Variants in GALNT17 observed in about 807,000 individuals in gnomAD.
The protein encoded by GALNT17 is polypeptide N-acetylgalactosaminyltransferase 17, also known as UDP-GalNAc:polypeptide N-acetylgalactosaminyltransferase-like 3.
GALNT17 carries 29 observed loss-of-function variants against 63.7 expected under a neutral mutation model. The observed-to-expected ratio is 0.46, with a 90% CI of 0.34 to 0.62. GALNT17 has a LOEUF of 0.62. Ranked by LOEUF, GALNT17 falls within the 20% of genes least tolerant of loss-of-function variation. The probability of loss-of-function intolerance (pLI) is 0.01; values close to 1 mark genes in which losing one functional copy is unlikely to be tolerated. For synonymous variants in GALNT17, 305 were observed against 318.3 expected (o/e 0.96, Z 0.45); for missense variants, 603 against 799.6 (o/e 0.75, Z 2.97).
chr7:71,240,752 C>G (rs1789979608), intron 1 of GALNT17, among the ~76,000 whole-genome samples: 2 of 151,702 alleles, frequency 1.3e-5, no homozygotes, highest in South Asian at 4.2e-4. Context: ...GCAGGCTCCG[C>G]CCCCCGGGTT....
chr7:71,452,240 T>G (rs1787275265), intron 5 of GALNT17, among the ~76,000 whole-genome samples: 1 of 147,560 alleles, frequency 6.8e-6, no homozygotes, highest in African/African-American at 2.5e-5. Context: ...GAGGCTCTCT[T>G]TAGAAAAAAA....
chr7:71,633,651 G>C (rs1189921968), intron 6 of GALNT17, among the ~76,000 whole-genome samples: 2 of 151,928 alleles, frequency 1.3e-5, no homozygotes, highest in Non-Finnish European at 2.9e-5. Context: ...GAGGATCCTC[G>C]CAGCATTTGT....
chr7:71,242,472 G>A (rs1038991273), intron 1 of GALNT17, among the ~76,000 whole-genome samples: 6 of 151,832 alleles, frequency 4.0e-5, no homozygotes, highest in Non-Finnish European at 7.4e-5. Flanking sequence ...GTTTCACCAT[G>A]TTAGCCAGGA....
intron 5 of GALNT17, among the ~76,000 whole-genome samples, chr7:71,444,700 G>A (rs10269550): frequency 0.13 from 20,004 of 152,060 alleles, 1,972 homozygotes; most frequent in East Asian, 0.55. Context: ...ACTGGGCAGC[G>A]CCTGTAATCC....
intron 9 of GALNT17, among the ~76,000 whole-genome samples, chr7:71,691,603 A>G (rs1302003394): frequency 6.6e-6 from 1 of 152,228 alleles, no homozygotes; most frequent in Non-Finnish European, 1.5e-5. Flanking sequence ...ACAATGACAG[A>G]CATAAATTGT....
chr7:71,257,524 A>G (rs1790310159), intron 1 of GALNT17, among the ~76,000 whole-genome samples: 1 of 152,242 alleles, frequency 6.6e-6, no homozygotes, highest in Admixed American at 6.5e-5. Flanking sequence ...AATATAATTT[A>G]CTGTATAAAA....
chr7:71,174,877 T>C (rs931447667), intron 1 of GALNT17, among the ~76,000 whole-genome samples: 1 of 152,152 alleles, frequency 6.6e-6, no homozygotes, highest in Non-Finnish European at 1.5e-5. Context: ...AGGCCTGACA[T>C]TGTGTCTTGC....
At chr7:71,477,481 A>T (rs990013050) in intron 5 of GALNT17, among the ~76,000 whole-genome samples, 1 of 152,208 alleles carries the variant, frequency 6.6e-6, no homozygotes. Context: ...AGGAGACGCA[A>T]ACTGCACAGA....
At chr7:71,497,630 T>C (rs1184443394) in intron 5 of GALNT17, among the ~76,000 whole-genome samples, 5 of 152,208 alleles carry the variant, frequency 3.3e-5, no homozygotes, top group Non-Finnish European at 5.9e-5. Context: ...GGGACAGGAT[T>C]TAGCCCATGA....
At chr7:71,146,159 C>T (rs758704914) in intron 1 of GALNT17, among the ~76,000 whole-genome samples, 2 of 152,232 alleles carry the variant, frequency 1.3e-5, no homozygotes, top group Non-Finnish European at 2.9e-5. Context: ...GATTCAGTCT[C>T]CTCTCAGCTC....
At chr7:71,682,173 C>G (rs484625) in intron 9 of GALNT17, among the ~76,000 whole-genome samples, 119,932 of 152,006 alleles carry the variant, frequency 0.79, 50,972 homozygotes, top group East Asian at 0.99. Flanking sequence ...GTGATCCACC[C>G]ACCTTGGCCT....
intron 1 of GALNT17, among the ~76,000 whole-genome samples, chr7:71,168,705 A>ATG (rs10536926): frequency 0.012 from 1,859 of 149,140 alleles, 27 homozygotes; most frequent in African/African-American, 0.034. Flanking sequence ...AGTTACGTGT[A>ATG]TGTGTGTGTG....
intron 5 of GALNT17, among the ~76,000 whole-genome samples, chr7:71,482,516 A>C (rs1283892587): frequency 6.6e-6 from 1 of 152,184 alleles, no homozygotes; most frequent in Non-Finnish European, 1.5e-5. Context: ...TATAGAGTGC[A>C]CTTATACAAC....
chr7:71,170,906 G>A (rs895072299), intron 1 of GALNT17, among the ~76,000 whole-genome samples: 2 of 139,356 alleles, frequency 1.4e-5, no homozygotes, highest in African/African-American at 6.1e-5. Context: ...AACCTGTGCT[G>A]TTTAGTTCTT....
chr7:71,531,551 C>T (rs1788721314), intron 5 of GALNT17, among the ~76,000 whole-genome samples: 1 of 152,150 alleles, frequency 6.6e-6, no homozygotes, highest in Admixed American at 6.5e-5. Context: ...GTGCCTGACA[C>T]TATTCTAAGT....
chr7:71,322,762 C>T (rs1305675139), intron 1 of GALNT17, among the ~76,000 whole-genome samples: 1 of 152,100 alleles, frequency 6.6e-6, no homozygotes, highest in Admixed American at 6.6e-5. Flanking sequence ...GAGGAAGAGA[C>T]ACAAGCTCTC....
At chr7:71,480,616 C>G (rs567410940) in intron 5 of GALNT17, among the ~76,000 whole-genome samples, 35 of 152,176 alleles carry the variant, frequency 2.3e-4, no homozygotes, top group Non-Finnish European at 4.7e-4. Context: ...AAGCGATTCA[C>G]CTGCCTCAGC....
intron 1 of GALNT17, among the ~76,000 whole-genome samples, chr7:71,209,174 G>GT (rs1426828586): frequency 6.6e-6 from 1 of 152,192 alleles, no homozygotes; most frequent in Non-Finnish European, 1.5e-5. Flanking sequence ...TTCTCTGAAT[G>GT]TTTTTCAATC....
intron 3 of GALNT17, among the ~76,000 whole-genome samples, chr7:71,406,650 A>G (rs1279504584): frequency 6.6e-6 from 1 of 152,022 alleles, no homozygotes; most frequent in Non-Finnish European, 1.5e-5. Flanking sequence ...ATTTTAAAAT[A>G]GTCTTTGTAG....
Sources: allele counts gnomAD v4.1 joint callset (sites outside exome capture counted in the v4.1 genomes callset), GRCh38; gene constraint gnomAD v4.1.1; transcripts MANE v1.5; gene names NCBI Gene and HGNC (gene_info 2026-07-23, HGNC 2026-07-21).